Variants in MSI2 observed in about 807,000 individuals in gnomAD.
The protein encoded by MSI2 is musashi RNA binding protein 2, also known as RNA-binding protein Musashi homolog 2.
In MSI2, 17 loss-of-function variants were observed where a neutral mutation model predicts 45.6. That is an observed-to-expected ratio of 0.37 (90% CI 0.26 to 0.56). The LOEUF is 0.56. Among genes scored for constraint, MSI2 ranks in the 20% least tolerant of loss-of-function variants. The pLI is 0.77. For synonymous variants in MSI2, 156 were observed against 158.2 expected (o/e 0.99, Z 0.11); for missense variants, 293 against 444.2 (o/e 0.66, Z 3.06).
At chr17:57,475,697 C>T (rs1481164579) in intron 6 of MSI2, among the ~76,000 whole-genome samples, 2 of 152,070 alleles carry the variant, frequency 1.3e-5, no homozygotes, top group Non-Finnish European at 2.9e-5. Context: ...GGTGTCAGAA[C>T]CCTAGAGAGA....
intron 10 of MSI2, among the ~76,000 whole-genome samples, chr17:57,647,164 C>G (rs1598488756): frequency 6.6e-6 from 1 of 150,840 alleles, no homozygotes; most frequent in African/African-American, 2.4e-5. Flanking sequence ...CACGGTGGCT[C>G]ACACCTGTAA....
intron 10 of MSI2, among the ~76,000 whole-genome samples, chr17:57,651,581 AC>A (rs1911153071): frequency 6.6e-6 from 1 of 152,252 alleles, no homozygotes; most frequent in Non-Finnish European, 1.5e-5. Flanking sequence ...GGCCATGCTA[AC>A]CTGCAGAGCC....
In MSI2 at chr17:57,413,171, A is replaced by ACT. The variant is rs375283886; in HGVS notation, c.405+11713_405+11714dup. On this transcript the variant is annotated intron_variant, in intron 6 of 13. Transcript: ENST00000284073. Reference sequence around the variant, plus strand: ...AGCCTTTATATACACACACACACACACTCTCTCTCTCTCTGTCTGTCTCGT... The same window carrying ACT: ...AGCCTTTATATACACACACACACACACTCTCTCTCTCTCTCTGTCTGTCTCGT... 1.0e-4 allele frequency among the ~76,000 whole-genome samples: 15 copies of ACT among 145,632 alleles called. 1 individual carries two copies. Among genetic ancestry groups the ACT allele is most frequent in the East Asian group, 7.8e-4 (4 of 5,120 alleles).
chr17:57,257,225 C>T (rs1372156407), intron 2 of MSI2, 87 bp downstream of exon 2: 2 of 542,972 alleles, frequency 3.7e-6, no homozygotes, highest in Non-Finnish European at 5.8e-6. Context: ...AGCCCCCCCC[C>T]CCCCGCCATT....
intron 6 of MSI2, chr17:57,522,741 GGCTGGGATTAGAACCTGGACTCCCTCCAT>G (rs1253096942): frequency 2.6e-5 from 4 of 152,104 alleles, no homozygotes; most frequent in Non-Finnish European, 4.4e-5. Context: ...ATCCTGGTGG[GGCTGGGATTAGAACCTGGACTCCCTCCAT>G]GCTTGGTGCG....
At position 57,504,952 on chromosome 17, in the gene MSI2, A is replaced by G. The variant is rs537622912; in HGVS notation, c.406-24724A>G. Among the ~76,000 whole-genome samples, 88 of 152,070 alleles carry G rather than the reference A, an allele frequency of 5.8e-4. 1 individual carries two copies. The South Asian group carries it at 0.018, about 31-fold the overall frequency. ...ATTTAAAAAAAAAAAAAAAGAAGAA[A>G]AAGTAAGGAAAGGGGAGAATGGGGG... On this transcript the variant is annotated intron_variant, in intron 6 of 13. Coordinates refer to ENST00000284073, the MANE Select transcript of MSI2 (RefSeq NM_138962.4).
At chr17:57,307,334 G>A (rs960316292) in intron 5 of MSI2, among the ~76,000 whole-genome samples, 1 of 152,194 alleles carries the variant, frequency 6.6e-6, no homozygotes, top group Non-Finnish European at 1.5e-5. Flanking sequence ...AAGAACAAAG[G>A]CCAAGGTTTT....
intron 5 of MSI2, among the ~76,000 whole-genome samples, chr17:57,357,668 A>G (rs1916531447): frequency 6.6e-6 from 1 of 152,162 alleles, no homozygotes; most frequent in Non-Finnish European, 1.5e-5. Flanking sequence ...GTTCACATAA[A>G]GGTGAAATCA....
rs34631177 is a variant in MSI2, at chr17:57,547,741, T to TACACACACAC, written c.454+18056_454+18065dup. 2.2e-3 allele frequency among the ~76,000 whole-genome samples: 268 copies of TACACACACAC among 123,414 alleles called. 2 individuals carry two copies. Among genetic ancestry groups the TACACACACAC allele is most frequent in the Middle Eastern group, 9.3e-3 (2 of 216 alleles). The allele number at this position is 123,414 out of a possible 152,430, so 81.0% of individuals were successfully genotyped here. Reference sequence around the variant, plus strand: ...GTTTAGTAGTTGCATAGACAAAAAGTACACACACACACACACACACACACA... The same window carrying TACACACACAC: ...GTTTAGTAGTTGCATAGACAAAAAGTACACACACACACACACACACACACACACACACACA... On this transcript the variant is annotated intron_variant, in intron 7 of 13. Transcript: ENST00000284073.
At chr17:57,393,384 T>C (rs1427443251) in intron 5 of MSI2, among the ~76,000 whole-genome samples, 1 of 152,256 alleles carries the variant, frequency 6.6e-6, no homozygotes, top group Non-Finnish European at 1.5e-5. Flanking sequence ...TAATACGTGA[T>C]GTTCTGTGTC....
rs2087207288 is a variant in MSI2 at position 57,547,873 on chromosome 17, T to G, written c.454+18149T>G. Among the ~76,000 whole-genome samples, 4 of 152,070 alleles carry G rather than the reference T, an allele frequency of 2.6e-5. No individual in the cohort carries two copies. In the South Asian group the frequency reaches 8.3e-4, roughly 32 times the overall value. ...AGGATTGTTTCAGGGGAACTCTGAGTAGATTTTATCATCAGTGTGGTAGAC... is the reference window on the plus strand; with the variant it reads ...AGGATTGTTTCAGGGGAACTCTGAGGAGATTTTATCATCAGTGTGGTAGAC... On this transcript the variant is annotated intron_variant, in intron 7 of 13. Transcript: ENST00000284073.
intron 7 of MSI2, among the ~76,000 whole-genome samples, chr17:57,595,970 A>G (rs1003841550): frequency 6.6e-6 from 1 of 152,202 alleles, no homozygotes; most frequent in Admixed American, 6.5e-5. Flanking sequence ...GTCTGCCCCC[A>G]TGGCCTGTGC....
At chr17:57,695,264 A>T in the MSI2 span, among the ~76,000 whole-genome samples, 1 of 152,208 alleles carries the variant, frequency 6.6e-6, no homozygotes, top group Non-Finnish European at 1.5e-5. Context: ...TGGGAGGAAG[A>T]GTCCCAGGCC....
chr17:57,530,831 G>A (rs2086807064), intron 7 of MSI2, among the ~76,000 whole-genome samples: 1 of 152,148 alleles, frequency 6.6e-6, no homozygotes, highest in African/African-American at 2.4e-5. Flanking sequence ...GCGGGGCTGG[G>A]AGAAGGAGGG....
intron 6 of MSI2, among the ~76,000 whole-genome samples, chr17:57,515,132 G>C (rs6503815): frequency 0.73 from 110,795 of 152,236 alleles, 40,700 homozygotes; most frequent in Middle Eastern, 0.83. Flanking sequence ...TTAAATGAAA[G>C]ACAGGCCTAA....
chr17:57,596,818 T>C lies in MSI2; in HGVS notation c.455-50T>C, dbSNP rs766594971. 1 of 1,392,676 alleles carries C rather than the reference T, an allele frequency of 7.2e-7. No individual in the cohort carries two copies. Among genetic ancestry groups the C allele is most frequent in the Admixed American group, 1.7e-5 (1 of 59,706 alleles). 86.3% of individuals were successfully genotyped at this position (1,392,676 alleles called of 1,614,324 possible). On this transcript the variant is annotated intron_variant, in intron 7 of 13. Transcript: ENST00000284073. This position sits in a 1 kb window ranked among gnomAD's most constrained non-coding sequence, Gnocchi z 4.6. ...GAGAAAAACCTGGGCCTGCCAGAAC[T>C]GAACTCACCCCGCCTCTCTTTGTTT...
rs1907703632 is a variant in MSI2, at chr17:57,616,309, A to G, written c.652+225A>G. On this transcript the variant is annotated intron_variant, in intron 9 of 13. Coordinates refer to ENST00000284073, the MANE Select transcript of MSI2 (RefSeq NM_138962.4). Reference sequence around the variant, plus strand: ...TGTGTGTGTGTGTGTGTGTGTTTGTATTTATAATATTGCCCCATGCCTGGC... The same window carrying G: ...TGTGTGTGTGTGTGTGTGTGTTTGTGTTTATAATATTGCCCCATGCCTGGC... The G allele has an allele frequency of 9.9e-6, 4 of 403,304 alleles. No individual in the cohort carries two copies. In the Admixed American group the frequency reaches 1.7e-4, roughly 17 times the overall value. 25.0% of individuals were successfully genotyped at this position (403,304 alleles called of 1,614,324 possible).
chr17:57,257,030 T>G (rs2143128300), intron 1 of MSI2, 68 bp from the exon 2 acceptor site: 1 of 1,601,266 alleles, frequency 6.2e-7, no homozygotes, highest in South Asian at 1.1e-5. Flanking sequence ...TTTTAGCTTT[T>G]GTAAGTTACA....
At chr17:57,613,860 G>A (rs1057304359) in intron 8 of MSI2, among the ~76,000 whole-genome samples, 8 of 152,138 alleles carry the variant, frequency 5.3e-5, no homozygotes, top group African/African-American at 1.9e-4. Context: ...TAAGGCATTT[G>A]TGGTTATTCT....
Sources: gnomAD v4.1 joint callset for allele counts (sites outside exome capture counted in the v4.1 genomes callset) on GRCh38, gnomAD v4.1.1 for gene constraint, Gnocchi (gnomAD v3.1) non-coding constraint, MANE v1.5 for transcripts, NCBI Gene and HGNC (gene_info 2026-07-23, HGNC 2026-07-21) for gene names.